Variants in ADARB2 observed in about 807,000 individuals in gnomAD.
ADARB2 encodes the protein adenosine deaminase RNA specific B2 (inactive).
A neutral mutation model predicts 62.2 loss-of-function variants in ADARB2; 25 were observed. The ratio of observed to expected loss-of-function variants is 0.40; its 90% CI spans 0.29 to 0.56. ADARB2 has a LOEUF of 0.56. Ranked by LOEUF, ADARB2 falls within the 20% of genes least tolerant of loss-of-function variation. The pLI is 0.43. For missense variants in ADARB2, 1,071 were observed against 1,077.4 expected (o/e 0.99, Z 0.08); for synonymous variants, 572 against 500.8 (o/e 1.14, Z -1.90).
At chr10:1,396,629 T>G (rs1388010057) in intron 1 of ADARB2, among the ~76,000 whole-genome samples, 1 of 146,098 alleles carries the variant, frequency 6.8e-6, no homozygotes, top group Non-Finnish European at 1.5e-5. Flanking sequence ...CCCTCCCGAG[T>G]GCAGGCTTCC....
chr10:1,331,333 A>C (rs1234533725), intron 3 of ADARB2, among the ~76,000 whole-genome samples: 1 of 152,254 alleles, frequency 6.6e-6, no homozygotes, highest in African/African-American at 2.4e-5. Context: ...CATAATAGAC[A>C]AAAAGTAGAA....
chr10:1,643,381 C>T (rs1191559904), intron 1 of ADARB2, among the ~76,000 whole-genome samples: 1 of 152,194 alleles, frequency 6.6e-6, no homozygotes, highest in Non-Finnish European at 1.5e-5. Flanking sequence ...ACTTTCATAC[C>T]AGATGAGGCA....
At chr10:1,358,456 C>T (rs1314364998) in intron 3 of ADARB2, among the ~76,000 whole-genome samples, 1 of 152,202 alleles carries the variant, frequency 6.6e-6, no homozygotes, top group Admixed American at 6.5e-5. Context: ...TGAATACCTG[C>T]ATTCCCAGAC....
intron 1 of ADARB2, among the ~76,000 whole-genome samples, chr10:1,663,877 C>T (rs1481044181): frequency 6.6e-6 from 1 of 152,196 alleles, no homozygotes. Context: ...CTCGGACTCC[C>T]AAAGTGCTGG....
intron 1 of ADARB2, among the ~76,000 whole-genome samples, chr10:1,518,843 C>T (rs539176658): frequency 6.6e-5 from 10 of 150,848 alleles, no homozygotes; most frequent in African/African-American, 2.4e-4. Flanking sequence ...TTCCATGTAA[C>T]GTCTGCCTGT....
At chr10:1,478,274 G>C (rs1476745884) in intron 1 of ADARB2, among the ~76,000 whole-genome samples, 2 of 152,196 alleles carry the variant, frequency 1.3e-5, no homozygotes, top group Non-Finnish European at 2.9e-5. Flanking sequence ...CCTGGGAACA[G>C]CGTCACGGAC....
intron 6 of ADARB2, among the ~76,000 whole-genome samples, chr10:1,221,142 T>G (rs1004677942): frequency 6.6e-6 from 1 of 152,156 alleles, no homozygotes; most frequent in Non-Finnish European, 1.5e-5. Context: ...AACCAGCAAT[T>G]GCAGTGAGCT....
At chr10:1,715,980 C>T (rs1411625311) in intron 1 of ADARB2, among the ~76,000 whole-genome samples, 3 of 152,220 alleles carry the variant, frequency 2.0e-5, no homozygotes, top group Non-Finnish European at 4.4e-5. Context: ...CATTCCACAA[C>T]TCACGCCCAG....
intron 3 of ADARB2, among the ~76,000 whole-genome samples, chr10:1,304,073 G>A (rs1365313503): frequency 1.3e-5 from 2 of 150,792 alleles, no homozygotes; most frequent in Admixed American, 1.3e-4. Flanking sequence ...AAAAGACACA[G>A]ACTGGCAAAT....
chr10:1,490,010 C>G (rs1831600070), intron 1 of ADARB2, among the ~76,000 whole-genome samples: 1 of 152,152 alleles, frequency 6.6e-6, no homozygotes, highest in Admixed American at 6.6e-5. Flanking sequence ...AGCCTTGCAG[C>G]TGACTGACAA....
chr10:1,503,394 C>G (rs545741938), intron 1 of ADARB2, among the ~76,000 whole-genome samples: 1 of 151,404 alleles, frequency 6.6e-6, no homozygotes, highest in Non-Finnish European at 1.5e-5. Context: ...CCATGTTGCC[C>G]AGGCTGGTCT....
intron 1 of ADARB2, among the ~76,000 whole-genome samples, chr10:1,422,726 C>G (rs1355998272): frequency 6.6e-6 from 1 of 152,208 alleles, no homozygotes; most frequent in Admixed American, 6.5e-5. Context: ...CAATGACCAC[C>G]CATCTGTCAA....
chr10:1,223,030 G>T lies in ADARB2; in HGVS notation c.1514-5911C>A, dbSNP rs367568911. Among the ~76,000 whole-genome samples the T allele has an allele frequency of 5.3e-5, 8 of 152,258 alleles. No individual in the cohort carries two copies. The East Asian group carries it at 1.4e-3, about 26-fold the overall frequency. ...GCAATATGGCCTTTTTCACGATATTGATTCTTCCTGCCCATGAGCATGTAT... is the reference window on the plus strand; with the variant it reads ...GCAATATGGCCTTTTTCACGATATTTATTCTTCCTGCCCATGAGCATGTAT... On this transcript the variant is annotated intron_variant, in intron 6 of 9. Coordinates refer to ENST00000381312, the MANE Select transcript of ADARB2 (RefSeq NM_018702.4).
intron 1 of ADARB2, among the ~76,000 whole-genome samples, chr10:1,401,820 C>T (rs1340789738): frequency 2.6e-5 from 4 of 152,122 alleles, no homozygotes; most frequent in Non-Finnish European, 4.4e-5. Context: ...GCCTGGGGAG[C>T]GGTTCCCAAA....
At chr10:1,654,049 C>T (rs1320977510) in intron 1 of ADARB2, among the ~76,000 whole-genome samples, 2 of 152,044 alleles carry the variant, frequency 1.3e-5, no homozygotes, top group Non-Finnish European at 1.5e-5. Context: ...GCAGAGGTGC[C>T]TTCAGCATCC....
At position 1,584,370 on chromosome 10, in the gene ADARB2, G is replaced by A. The variant is rs564695808; in HGVS notation, c.100+152681C>T. ...CCCGTATCATATGTCACTAGAGAAC[G>A]CAGATAAAAACACCAATGAGATGCC... On this transcript the variant is annotated intron_variant, in intron 1 of 9. Transcript: ENST00000381312. Among the ~76,000 whole-genome samples the A allele has an allele frequency of 1.4e-4, 22 of 152,140 alleles. No individual in the cohort carries two copies. In the South Asian group the frequency reaches 4.2e-3, roughly 29 times the overall value.
chr10:1,462,572 C>T (rs1445215411), intron 1 of ADARB2, among the ~76,000 whole-genome samples: 2 of 151,230 alleles, frequency 1.3e-5, no homozygotes, highest in Non-Finnish European at 2.9e-5. Flanking sequence ...TGTGTATGTG[C>T]CTGTGTGTAT....
At chr10:1,712,173 T>G (rs1338564596) in intron 1 of ADARB2, among the ~76,000 whole-genome samples, 1 of 152,200 alleles carries the variant, frequency 6.6e-6, no homozygotes, top group Non-Finnish European at 1.5e-5. Flanking sequence ...GCAGGAAACT[T>G]CCTCCAGGAC....
chr10:1,452,530 A>C (rs943313975), intron 1 of ADARB2, among the ~76,000 whole-genome samples: 1 of 151,942 alleles, frequency 6.6e-6, no homozygotes, highest in Non-Finnish European at 1.5e-5. Context: ...CATTTTCAGC[A>C]AACTAACACA....
Sources: gnomAD v4.1 joint callset for allele counts (sites outside exome capture counted in the v4.1 genomes callset) on GRCh38, gnomAD v4.1.1 for gene constraint, MANE v1.5 for transcripts, NCBI Gene and HGNC (gene_info 2026-07-23, HGNC 2026-07-21) for gene names.